CCDC83: variants seen among roughly 807,000 people sequenced by gnomAD.
The protein encoded by CCDC83 is coiled-coil domain containing 83.
Under a neutral mutation model 50.1 loss-of-function variants are expected in CCDC83, and 54 were observed. The ratio of observed to expected loss-of-function variants is 1.08; its 90% CI spans 0.87 to 1.35. CCDC83 has a LOEUF of 1.35. CCDC83 is among the 40% of genes most tolerant of loss of function. CCDC83 has a pLI of 0.00. For synonymous variants in CCDC83, 161 were observed against 153.3 expected (o/e 1.05, Z -0.37); for missense variants, 518 against 473.9 (o/e 1.09, Z -0.86).
chr11:85,881,991 C>T (rs1392942835), intron 3 of CCDC83, among the ~76,000 whole-genome samples: 1 of 152,056 alleles, frequency 6.6e-6, no homozygotes, highest in Non-Finnish European at 1.5e-5. Flanking sequence ...TGCCCTCTTT[C>T]TCTCCCTCTA....
chr11:85,864,465 G>T (rs2093195493), intron 1 of CCDC83, among the ~76,000 whole-genome samples: 1 of 152,120 alleles, frequency 6.6e-6, no homozygotes, highest in Admixed American at 6.5e-5. Context: ...CCTTTTAAAA[G>T]GTGTTTTTGA....
At chr11:85,881,310 T>C (rs2093298684) in intron 3 of CCDC83, among the ~76,000 whole-genome samples, 1 of 151,266 alleles carries the variant, frequency 6.6e-6, no homozygotes, top group African/African-American at 2.4e-5. Context: ...GAAGTGGAGG[T>C]TGCAGTGAGC....
chr11:85,892,362 G>A (rs1410988465), intron 5 of CCDC83, among the ~76,000 whole-genome samples: 1 of 152,178 alleles, frequency 6.6e-6, no homozygotes, highest in Non-Finnish European at 1.5e-5. Flanking sequence ...CCAATAAATG[G>A]TTAATTGTTA....
At chr11:85,865,678 G>A (rs1425839912) in intron 2 of CCDC83, among the ~76,000 whole-genome samples, 2 of 152,030 alleles carry the variant, frequency 1.3e-5, no homozygotes, top group African/African-American at 2.4e-5. Flanking sequence ...ACCTGAGGTT[G>A]GGAGTTCGAG....
intron 1 of CCDC83, among the ~76,000 whole-genome samples, chr11:85,858,173 C>A (rs1345519736): frequency 6.6e-6 from 1 of 152,190 alleles, no homozygotes; most frequent in Non-Finnish European, 1.5e-5. Flanking sequence ...CCTTCACCAA[C>A]CAAGTGATGG....
At position 85,910,289 on chromosome 11, in the gene CCDC83, C is replaced by A. The variant is rs538471105; in HGVS notation, c.673-992C>A. Reference sequence around the variant, plus strand: ...CATCTTTCCCACTAGGGTACAAGATCCTTGAAGGTTACTACACCTTGTTGA... The same window carrying A: ...CATCTTTCCCACTAGGGTACAAGATACTTGAAGGTTACTACACCTTGTTGA... On this transcript the variant is annotated intron_variant, in intron 7 of 10. Transcript: ENST00000342404. Among the ~76,000 whole-genome samples the A allele has an allele frequency of 2.6e-5, 4 of 152,344 alleles. No individual in the cohort carries two copies. The South Asian group carries it at 8.3e-4, about 32-fold the overall frequency.
At chr11:85,915,562 C>CAAG in intron 9 of CCDC83, 64 bp downstream of exon 9, 1 of 1,197,824 alleles carries the variant, frequency 8.3e-7, no homozygotes, top group Non-Finnish European at 1.2e-6. Context: ...ATTTAAAAAA[C>CAAG]ACTTACCTAT....
At chr11:85,902,260 T>C (rs2093405961) in intron 7 of CCDC83, among the ~76,000 whole-genome samples, 1 of 152,176 alleles carries the variant, frequency 6.6e-6, no homozygotes, top group Admixed American at 6.5e-5. Flanking sequence ...GATGAAAAAT[T>C]ATTTTTAACT....
At position 85,916,060 on chromosome 11, in the gene CCDC83, G is replaced by C; in HGVS notation, c.907G>C (p.Glu303Gln). Residue 303 changes from glutamate to glutamine, a missense_variant, in exon 10 of 11, where the codon GAA (glutamate) becomes CAA (glutamine). Transcript: ENST00000342404. ...EKSELQPTEV[E>Q]SRDLMSSSDE... ...GTCAGAATTGCAACCCACAGAAGTA[G>C]AAAGTAGAGACTTGATGTCCTCATC... 2 of 1,612,356 alleles carry C rather than the reference G, an allele frequency of 1.2e-6. No homozygotes were observed. The highest frequency in any genetic ancestry group is 1.7e-6 in the Non-Finnish European group (2 of 1,179,228).
chr11:85,889,912 T>G (rs1460599697), intron 5 of CCDC83, among the ~76,000 whole-genome samples: 1 of 152,188 alleles, frequency 6.6e-6, no homozygotes, highest in Non-Finnish European at 1.5e-5. Context: ...GATTTGCAAT[T>G]TGATGAAGAA....
chr11:85,885,025 A>G (rs1313310845), intron 4 of CCDC83, among the ~76,000 whole-genome samples: 1 of 152,158 alleles, frequency 6.6e-6, no homozygotes, highest in Non-Finnish European at 1.5e-5. Context: ...AGCCTGGCCA[A>G]CATAGTGAAT....
At chr11:85,890,282 C>T (rs2093345571) in intron 5 of CCDC83, among the ~76,000 whole-genome samples, 1 of 152,284 alleles carries the variant, frequency 6.6e-6, no homozygotes, top group South Asian at 2.1e-4. Context: ...GCTGGGCCTG[C>T]ACTCCCGAGT....
intron 5 of CCDC83, among the ~76,000 whole-genome samples, chr11:85,892,583 A>T (rs1457843698): frequency 6.6e-6 from 1 of 152,226 alleles, no homozygotes; most frequent in East Asian, 1.9e-4. Context: ...ATCTATTTTT[A>T]AATTATTTAT....
chr11:85,865,827 G>A (rs1327753083), intron 2 of CCDC83, among the ~76,000 whole-genome samples: 3 of 151,604 alleles, frequency 2.0e-5, no homozygotes, highest in Admixed American at 2.0e-4. Flanking sequence ...GGCAGACGTT[G>A]CAGTGAGCCA....
At chr11:85,856,666 A>G (rs2093143231) in intron 1 of CCDC83, among the ~76,000 whole-genome samples, 1 of 152,250 alleles carries the variant, frequency 6.6e-6, no homozygotes, top group South Asian at 2.1e-4. Context: ...AATGTACATC[A>G]TCAGTCGTCC....
intron 5 of CCDC83, among the ~76,000 whole-genome samples, chr11:85,892,463 T>C (rs765574521): frequency 6.6e-6 from 1 of 152,188 alleles, no homozygotes; most frequent in African/African-American, 2.4e-5. Flanking sequence ...AGAAAAACGG[T>C]CCATACACTT....
intron 1 of CCDC83, among the ~76,000 whole-genome samples, chr11:85,857,230 G>A (rs950392456): frequency 6.6e-6 from 1 of 152,280 alleles, no homozygotes; most frequent in Non-Finnish European, 1.5e-5. Flanking sequence ...CGAAGGGCAC[G>A]CGCATCACCA....
chr11:85,888,183 G>A (rs941403066), intron 5 of CCDC83, among the ~76,000 whole-genome samples: 3 of 152,118 alleles, frequency 2.0e-5, no homozygotes, highest in African/African-American at 7.2e-5. Flanking sequence ...TGAAAGAAAT[G>A]GTTGTGTGAA....
chr11:85,874,532 A>G (rs1205605512), intron 3 of CCDC83, among the ~76,000 whole-genome samples: 1 of 152,246 alleles, frequency 6.6e-6, no homozygotes, highest in Admixed American at 6.5e-5. Flanking sequence ...GAGCAAGGAA[A>G]GACAGATTCT....
Sources: allele counts gnomAD v4.1 joint callset (sites outside exome capture counted in the v4.1 genomes callset), GRCh38; gene constraint gnomAD v4.1.1; transcripts MANE v1.5; gene names NCBI Gene and HGNC (gene_info 2026-07-23, HGNC 2026-07-21).